DNAH9: variants seen among roughly 807,000 people sequenced by gnomAD.
DNAH9 encodes DNAH9 variant protein.
In DNAH9, 345 loss-of-function variants were observed where a neutral mutation model predicts 471.6. The observed-to-expected ratio is 0.73, with a 90% CI of 0.67 to 0.80. DNAH9 has a LOEUF of 0.80. Ranked by LOEUF, DNAH9 falls within the 30% of genes least tolerant of loss-of-function variation. The pLI is 0.00. For missense variants in DNAH9, 5,407 were observed against 5,609.2 expected (o/e 0.96, Z 1.15); for synonymous variants, 2,093 against 2,123.6 (o/e 0.99, Z 0.40).
intron 35 of DNAH9, among the ~76,000 whole-genome samples, chr17:11,762,758 G>GTTTTTTTTGTTGTTTTTTTTTTTTT (rs1967733702): frequency 2.1e-5 from 2 of 94,790 alleles, no homozygotes; most frequent in African/African-American, 3.8e-5. Context: ...CTTTAGGTGC[G>GTTTTTTTTGTTGTTTTTTTTTTTTT]TTTTTTTTTT....
In DNAH9 at chr17:11,949,984, C is replaced by T. The variant is rs930842813; in HGVS notation, c.12843+7499C>T. Among the ~76,000 whole-genome samples the T allele has an allele frequency of 3.9e-5, 6 of 152,276 alleles. No homozygotes were observed. The East Asian group carries it at 1.2e-3, about 29-fold the overall frequency. On this transcript the variant is annotated intron_variant, in intron 67 of 68. Transcript: ENST00000262442. ...AAATTTTTAAGAAAGCCAAGTTACA[C>T]ATATTATGTTCCTCTGCTTTCAAAA...
At chr17:11,712,655 G>A (rs185093996) in intron 26 of DNAH9, among the ~76,000 whole-genome samples, 129 of 151,948 alleles carry the variant, frequency 8.5e-4, no homozygotes, top group African/African-American at 2.9e-3. Context: ...ACTTTAATTC[G>A]CATTTTTCTA....
intron 28 of DNAH9, among the ~76,000 whole-genome samples, chr17:11,728,555 C>G (rs1319512114): frequency 2.0e-5 from 3 of 150,374 alleles, no homozygotes; most frequent in African/African-American, 7.3e-5. Flanking sequence ...AAAACTTGAG[C>G]TCTTGAGATA....
At chr17:11,831,702 C>T (rs547016559) in intron 48 of DNAH9, among the ~76,000 whole-genome samples, 28 of 152,292 alleles carry the variant, frequency 1.8e-4, no homozygotes, top group African/African-American at 5.5e-4. Context: ...ACAGGCAATG[C>T]GGGGAAAACA....
chr17:11,891,649 G>A, intron 57 of DNAH9, 128 bp from the exon 58 acceptor site: 2 of 1,092,678 alleles, frequency 1.8e-6, no homozygotes, highest in East Asian at 2.4e-5. Context: ...ACAGGCATGA[G>A]CCACCGTGCC....
chr17:11,797,867 T>C (rs1468992816), intron 43 of DNAH9, 74 bp downstream of exon 43: 38 of 1,475,868 alleles, frequency 2.6e-5, no homozygotes, highest in Non-Finnish European at 3.4e-5. Context: ...TTCGGCTATT[T>C]GAGGTCACTT....
At chr17:11,953,767 A>C (rs2151443162) in intron 67 of DNAH9, 1 of 152,102 alleles carries the variant, frequency 6.6e-6, no homozygotes, top group South Asian at 2.1e-4. Flanking sequence ...AAAAAAAAAA[A>C]AAAAAAAAAT....
chr17:11,878,925 G>A (rs2150993161), intron 53 of DNAH9, among the ~76,000 whole-genome samples: 1 of 152,280 alleles, frequency 6.6e-6, no homozygotes, highest in Admixed American at 6.5e-5. Context: ...TTTAAATATA[G>A]TTTAAGCTAT....
At chr17:11,783,847 C>T (rs995299040) in intron 40 of DNAH9, 99 bp downstream of exon 40, 1 of 938,482 alleles carries the variant, frequency 1.1e-6, no homozygotes, top group Admixed American at 2.3e-5. Context: ...CCCCATGCAG[C>T]CTCTCAGAAT....
At chr17:11,815,663 C>A (rs1226748474) in intron 45 of DNAH9, among the ~76,000 whole-genome samples, 3 of 152,064 alleles carry the variant, frequency 2.0e-5, no homozygotes, top group Non-Finnish European at 4.4e-5. Flanking sequence ...ATGGAGCGCA[C>A]CTCAGGTCCC....
rs143374197 is a variant in DNAH9, at chr17:11,767,504, G to A, written c.7171-949G>A. On this transcript the variant is annotated intron_variant, in intron 36 of 68. Coordinates refer to ENST00000262442, the MANE Select transcript of DNAH9 (RefSeq NM_001372.4). ...GAGTGCCCTTTTTTCGGGTTTCATAGTTGTTACCATGTGCCCAGCTCCCTG... is the reference window on the plus strand; with the variant it reads ...GAGTGCCCTTTTTTCGGGTTTCATAATTGTTACCATGTGCCCAGCTCCCTG... Among the ~76,000 whole-genome samples the A allele has an allele frequency of 4.4e-3, 673 of 152,208 alleles. 14 individuals carry two copies. The highest frequency in any genetic ancestry group is 0.016 in the African/African-American group (657 of 41,520).
intron 67 of DNAH9, among the ~76,000 whole-genome samples, chr17:11,946,507 C>CAAAA (rs200788637): frequency 6.7e-6 from 1 of 148,332 alleles, no homozygotes; most frequent in East Asian, 2.0e-4. Context: ...ACTAAAAATA[C>CAAAA]AAAAAAAATA....
At chr17:11,710,892 A>T (rs2074816374) in intron 26 of DNAH9, among the ~76,000 whole-genome samples, 1 of 152,188 alleles carries the variant, frequency 6.6e-6, no homozygotes, top group African/African-American at 2.4e-5. Context: ...GACTTATCTC[A>T]CACATCTGGA....
intron 48 of DNAH9, among the ~76,000 whole-genome samples, chr17:11,826,202 G>A (rs939172545): frequency 8.5e-5 from 13 of 152,108 alleles, no homozygotes; most frequent in African/African-American, 2.9e-4. Flanking sequence ...CGTTTGCATT[G>A]CTTTTAGTCA....
chr17:11,852,704 G>C (rs776406322), intron 49 of DNAH9, among the ~76,000 whole-genome samples: 21 of 151,234 alleles, frequency 1.4e-4, no homozygotes, highest in Non-Finnish European at 2.1e-4. Context: ...CTGTCCCTGG[G>C]TCACGACAGG....
At chr17:11,690,555 TA>T in intron 20 of DNAH9, 119 bp downstream of exon 20, 4 of 934,272 alleles carry the variant, frequency 4.3e-6, no homozygotes, top group Middle Eastern at 3.2e-4. Context: ...TGACTTTACT[TA>T]AAGGCACTTC....
At chr17:11,711,049 C>T (rs1189474573) in intron 26 of DNAH9, among the ~76,000 whole-genome samples, 2 of 152,154 alleles carry the variant, frequency 1.3e-5, no homozygotes, top group Admixed American at 1.3e-4. Flanking sequence ...GTCTCTATGC[C>T]TATGCCTTTA....
intron 6 of DNAH9, among the ~76,000 whole-genome samples, chr17:11,625,139 C>T (rs1174936084): frequency 1.3e-5 from 2 of 152,030 alleles, no homozygotes; most frequent in Non-Finnish European, 2.9e-5. Flanking sequence ...TTCTGCAGAT[C>T]CCCTGTTTGA....
At chr17:11,745,157 C>T in intron 31 of DNAH9, 73 bp downstream of exon 31, 4 of 1,282,268 alleles carry the variant, frequency 3.1e-6, no homozygotes, top group African/African-American at 1.5e-5. Flanking sequence ...TATCCTTCAT[C>T]CATAATCCAA....
Sources: gnomAD v4.1 joint callset for allele counts (sites outside exome capture counted in the v4.1 genomes callset) on GRCh38, gnomAD v4.1.1 for gene constraint, MANE v1.5 for transcripts, NCBI Gene and HGNC (gene_info 2026-07-23, HGNC 2026-07-21) for gene names.